The following SS18 variants were observed in gnomAD, a reference collection of about 807,000 sequenced individuals.
SS18 encodes SS18 subunit of BAF chromatin remodeling complex.
A neutral mutation model predicts 72.5 loss-of-function variants in SS18; 28 were observed. That is an observed-to-expected ratio of 0.39 (90% CI 0.29 to 0.53). The LOEUF (loss-of-function observed/expected upper bound fraction) is 0.53. SS18 is among the 20% of genes least tolerant of loss of function. The pLI is 0.76. For missense variants in SS18, 518 were observed against 535.3 expected, an observed-to-expected ratio of 0.97 and a Z score of 0.32; for synonymous variants, 172 against 164.2, an observed-to-expected ratio of 1.05 and a Z score of -0.37.
intron 4 of SS18, among the ~76,000 whole-genome samples, chr18:26,057,245 A>G (rs749680848): frequency 1.6e-4 from 25 of 152,318 alleles, no homozygotes; most frequent in East Asian, 1.9e-4. Flanking sequence ...GGGAAATGTT[A>G]TAATATCTTT....
chr18:26,029,376 G>A (rs1219214837), intron 10 of SS18, among the ~76,000 whole-genome samples: 1 of 152,210 alleles, frequency 6.6e-6, no homozygotes, highest in Non-Finnish European at 1.5e-5. Flanking sequence ...CATGTGCAGA[G>A]TATCTTGTAG....
rs2053613879 is a variant in SS18 at position 26,035,637 on chromosome 18, G to A, written c.973+194C>T. ...AGTCTTTTTATTATTGTTAGAAATG[G>A]CAAGTCATGGTTATACATTTTAAAT... On this transcript the variant is annotated intron_variant, in intron 8 of 10. Transcript: ENST00000415083. This position sits in a 1 kb window ranked among gnomAD's most constrained non-coding sequence, Gnocchi z 4.4. 7.4e-6 allele frequency: 3 copies of A among 402,724 alleles called. No individual in the cohort carries two copies. Among genetic ancestry groups the A allele is most frequent in the Middle Eastern group, 6.5e-4 (1 of 1,548 alleles). The allele number at this position is 402,724 out of a possible 1,614,324, so 24.9% of individuals were successfully genotyped here.
At chr18:26,090,159 C>A in intron 1 of SS18, 1 of 295,202 alleles carries the variant, frequency 3.4e-6, no homozygotes, top group Non-Finnish European at 6.2e-6. Context: ...CGCGCGGGGC[C>A]GCCGGTCCGA....
intron 3 of SS18, among the ~76,000 whole-genome samples, chr18:26,068,077 C>T (rs1281688424): frequency 6.6e-6 from 1 of 152,290 alleles, no homozygotes; most frequent in South Asian, 2.1e-4. Flanking sequence ...TCACCTGCTG[C>T]TAACCTCCTG....
At chr18:26,060,323 A>G (rs2054096783) in intron 3 of SS18, among the ~76,000 whole-genome samples, 2 of 152,234 alleles carry the variant, frequency 1.3e-5, no homozygotes, top group South Asian at 2.1e-4. Context: ...GATTCTATTC[A>G]TAAGAAATGT....
At position 26,070,937 on chromosome 18, in the gene SS18, C is replaced by G. The variant is rs12966908; in HGVS notation, c.231+7139G>C. Among the ~76,000 whole-genome samples the G allele has an allele frequency of 2.6e-5, 4 of 151,906 alleles. No individual in the cohort carries two copies. The East Asian group carries it at 5.8e-4, about 22-fold the overall frequency. On this transcript the variant is annotated intron_variant, in intron 3 of 10. Coordinates refer to ENST00000415083, the MANE Select transcript of SS18 (RefSeq NM_001007559.3). ...AGAAAATATTTTTAAAATGCCAGAG[C>G]AGATCTAAAAAAGAACTTATAGAAA...
At chr18:26,082,945 G>GT (rs1426378758) in intron 2 of SS18, among the ~76,000 whole-genome samples, 3 of 151,996 alleles carry the variant, frequency 2.0e-5, no homozygotes, top group African/African-American at 7.2e-5. Flanking sequence ...TAAAATTGGA[G>GT]TATCAATTCC....
At chr18:26,068,122 G>C (rs563121546) in intron 3 of SS18, 3 of 152,088 alleles carry the variant, frequency 2.0e-5, no homozygotes, top group Non-Finnish European at 4.4e-5. Flanking sequence ...CCACAGACCC[G>C]TATCAGTCCA....
At chr18:26,062,982 A>G (rs950886029) in intron 3 of SS18, among the ~76,000 whole-genome samples, 4 of 152,238 alleles carry the variant, frequency 2.6e-5, no homozygotes, top group African/African-American at 9.6e-5. Flanking sequence ...AACCCTATGA[A>G]TATAAAAAAA....
chr18:26,069,065 C>T (rs1468438571), intron 3 of SS18, among the ~76,000 whole-genome samples: 1 of 152,110 alleles, frequency 6.6e-6, no homozygotes, highest in Non-Finnish European at 1.5e-5. Context: ...AGTCTCCAAA[C>T]ACTCTCTTCT....
At chr18:26,031,883 A>C (rs527303347) in intron 10 of SS18, among the ~76,000 whole-genome samples, 9 of 152,220 alleles carry the variant, frequency 5.9e-5, no homozygotes, top group African/African-American at 2.2e-4. Context: ...TGAAAGCATC[A>C]ACACAGATGG....
At chr18:26,044,704 A>G (rs1251011730) in intron 5 of SS18, among the ~76,000 whole-genome samples, 1 of 152,044 alleles carries the variant, frequency 6.6e-6, no homozygotes, top group African/African-American at 2.4e-5. Flanking sequence ...AAATCAGAAA[A>G]ATTTAGTAAA....
chr18:26,078,821 A>G lies in SS18; in HGVS notation c.147-661T>C, dbSNP rs578047283. On this transcript the variant is annotated intron_variant, in intron 2 of 10. Transcript: ENST00000415083. ...ACAACTGCCTGAACCCAGGAGGCAA[A>G]GGTTGCAGTGAGCCGAGATCATGCC... Among the ~76,000 whole-genome samples, 20 of 152,348 alleles carry G rather than the reference A, an allele frequency of 1.3e-4. No homozygotes were observed. In the East Asian group the frequency reaches 3.7e-3, roughly 28 times the overall value.
intron 1 of SS18, chr18:26,089,744 T>G (rs1272965974): frequency 1.3e-5 from 2 of 152,198 alleles, no homozygotes; most frequent in African/African-American, 2.4e-5. Context: ...CCCTGTGTAT[T>G]TATCACGACT....
chr18:26,031,167 C>G (rs74405070), intron 10 of SS18, among the ~76,000 whole-genome samples: 1 of 152,188 alleles, frequency 6.6e-6, no homozygotes, highest in African/African-American at 2.4e-5. Context: ...TCACTAGCCA[C>G]GACTTATTTC....
intron 1 of SS18, among the ~76,000 whole-genome samples, chr18:26,088,885 A>G (rs2054664376): frequency 6.6e-6 from 1 of 150,900 alleles, no homozygotes; most frequent in South Asian, 2.1e-4. Flanking sequence ...TACTGGGGGA[A>G]AAAAAAAACC....
chr18:26,071,461 A>G (rs2054308664), intron 3 of SS18, among the ~76,000 whole-genome samples: 1 of 152,242 alleles, frequency 6.6e-6, no homozygotes, highest in African/African-American at 2.4e-5. Flanking sequence ...CAAGACAGAA[A>G]ACAACGCAAG....
intron 10 of SS18, among the ~76,000 whole-genome samples, chr18:26,029,821 A>C (rs1278113889): frequency 1.3e-5 from 2 of 152,174 alleles, no homozygotes; most frequent in African/African-American, 4.8e-5. Context: ...ATTTTTCCTA[A>C]AATAAAGAGA....
intron 5 of SS18, among the ~76,000 whole-genome samples, chr18:26,043,173 C>T (rs993520614): frequency 1.3e-5 from 2 of 152,166 alleles, no homozygotes; most frequent in Non-Finnish European, 2.9e-5. Flanking sequence ...TTACCCAAAG[C>T]TGTACTGCTA....
Sources: gnomAD v4.1 joint callset for allele counts (sites outside exome capture counted in the v4.1 genomes callset) on GRCh38, gnomAD v4.1.1 for gene constraint, Gnocchi (gnomAD v3.1) non-coding constraint, MANE v1.5 for transcripts, NCBI Gene and HGNC (gene_info 2026-07-23, HGNC 2026-07-21) for gene names.